The following ATG4B variants were observed in gnomAD, a reference collection of about 807,000 sequenced individuals.
ATG4B encodes the protein autophagy related 4B cysteine peptidase, also known as cysteine protease ATG4B.
Under a neutral mutation model 56.6 loss-of-function variants are expected in ATG4B, and 29 were observed. That is an observed-to-expected ratio of 0.51 (90% CI 0.38 to 0.70). The LOEUF is 0.70. Ranked by LOEUF, ATG4B falls within the 30% of genes least tolerant of loss-of-function variation. The pLI, the probability that ATG4B is intolerant of heterozygous loss-of-function variation, is 0.00. For synonymous variants in ATG4B, 224 were observed against 206.1 expected (o/e 1.09, Z -0.74); for missense variants, 461 against 515.5 (o/e 0.89, Z 1.02).
chr2:241,640,511 T>C (rs909615055), intron 1 of ATG4B, among the ~76,000 whole-genome samples: 1 of 152,248 alleles, frequency 6.6e-6, no homozygotes, highest in Admixed American at 6.5e-5. Flanking sequence ...GTCAGATATG[T>C]GTTAGGCATT....
At chr2:241,642,768 A>C (rs954236005) in intron 1 of ATG4B, among the ~76,000 whole-genome samples, 2 of 147,406 alleles carry the variant, frequency 1.4e-5, no homozygotes, top group African/African-American at 5.0e-5. Context: ...CAGAAGTCCC[A>C]GGGAAGAGGG....
At chr2:241,666,974 A>T in intron 8 of ATG4B, 136 bp downstream of exon 8, 8 of 1,048,830 alleles carry the variant, frequency 7.6e-6, no homozygotes, top group Non-Finnish European at 9.5e-6. Flanking sequence ...CCTGGTTTAC[A>T]CCGTTGCCCA....
chr2:241,640,099 C>T (rs537570040), intron 1 of ATG4B, among the ~76,000 whole-genome samples: 7 of 152,076 alleles, frequency 4.6e-5, no homozygotes, highest in Non-Finnish European at 8.8e-5. Context: ...GGTTCAGTGT[C>T]GATCATATGA....
intron 7 of ATG4B, 135 bp downstream of exon 7, chr2:241,659,322 C>T (rs555430105): frequency 1.0e-5 from 8 of 791,682 alleles, no homozygotes; most frequent in East Asian, 2.7e-5. Context: ...TCCGTGGGGC[C>T]TGTGCGCCAA....
chr2:241,637,888 G>C lies in ATG4B; in HGVS notation c.10+164G>C, dbSNP rs2067720892. ...CGGGAGCGCGGGGCGGTGTTGGTGG[G>C]TGGTGGGCGGTGGGAGCGGGAGGGG... On this transcript the variant is annotated intron_variant, in intron 1 of 12. Coordinates refer to ENST00000404914, the MANE Select transcript of ATG4B (RefSeq NM_013325.5). 4 of 530,830 alleles carry C rather than the reference G, an allele frequency of 7.5e-6. No individual in the cohort carries two copies. The East Asian group carries it at 2.0e-4, about 26-fold the overall frequency. 32.9% of individuals were successfully genotyped at this position (530,830 alleles called of 1,614,324 possible).
rs765368422 is a variant in ATG4B at position 241,654,593 on chromosome 2, G to A, written c.331G>A (p.Val111Ile). The A allele has an allele frequency of 3.1e-5, 49 of 1,603,378 alleles. 1 individual carries two copies. The East Asian group carries it at 5.8e-4, about 19-fold the overall frequency. Residue 111 changes from valine to isoleucine, a missense_variant, in exon 5 of 13, where the codon GTC becomes ATC. Physicochemically the swap from Val to Ile is conservative, Grantham distance 29. Coordinates refer to ENST00000404914, the MANE Select transcript of ATG4B (RefSeq NM_013325.5). ...GAGGCAGCCAGACAGCTACTTCAGC[G>A]TCCTCAACGCATTCATCGACAGGAA... is the stretch of plus-strand genomic sequence containing the variant. ...RKRQPDSYFSVLNAFIDRKDS... is the reference protein window; with the variant it reads ...RKRQPDSYFSILNAFIDRKDS...
At chr2:241,660,654 C>T (rs1039608608) in intron 7 of ATG4B, among the ~76,000 whole-genome samples, 2 of 152,188 alleles carry the variant, frequency 1.3e-5, no homozygotes, top group African/African-American at 4.8e-5. Context: ...CTCATATGAG[C>T]ATTTTGACAT....
rs769204324 is a variant in ATG4B at position 241,654,505 on chromosome 2, A to G, written c.284-41A>G. The stretch of plus-strand genomic sequence containing the variant: ...GTGTGAAAGTGAAAACTTGTTTCTC[A>G]TATTTATGGTAGAGCTGACCTGTAA... On this transcript the variant is annotated intron_variant, in intron 4 of 12. Transcript: ENST00000404914. The G allele has an allele frequency of 3.5e-6, 5 of 1,414,612 alleles. No homozygotes were observed. In the South Asian group the frequency reaches 4.9e-5, roughly 14 times the overall value. 87.6% of individuals were successfully genotyped at this position (1,414,612 alleles called of 1,614,324 possible). A position where few individuals can be genotyped will look rare whatever the true frequency, so the allele number is the denominator to read the frequency against.
intron 1 of ATG4B, among the ~76,000 whole-genome samples, chr2:241,640,616 G>T (rs879908945): frequency 1.3e-5 from 2 of 152,210 alleles, no homozygotes; most frequent in Admixed American, 6.5e-5. Context: ...CATTAGCAGC[G>T]AAGTGCGTGG....
At chr2:241,662,184 T>G (rs906952041) in intron 7 of ATG4B, among the ~76,000 whole-genome samples, 2 of 152,154 alleles carry the variant, frequency 1.3e-5, no homozygotes, top group African/African-American at 4.8e-5. Context: ...TTATCAGAAG[T>G]ACTTAAACAT....
intron 11 of ATG4B, 111 bp from the exon 12 acceptor site, chr2:241,671,201 G>A (rs902102463): frequency 2.1e-6 from 2 of 930,324 alleles, no homozygotes; most frequent in African/African-American, 1.6e-5. Flanking sequence ...TTTCTCATCA[G>A]TGAGATGGGA....
intron 7 of ATG4B, among the ~76,000 whole-genome samples, chr2:241,664,082 T>C (rs1241388723): frequency 6.6e-6 from 1 of 152,084 alleles, no homozygotes; most frequent in African/African-American, 2.4e-5. Flanking sequence ...CCTCCCAGAG[T>C]GCTGGGATTA....
intron 7 of ATG4B, among the ~76,000 whole-genome samples, chr2:241,664,002 G>A (rs1172137575): frequency 6.6e-6 from 1 of 151,894 alleles, no homozygotes; most frequent in Non-Finnish European, 1.5e-5. Context: ...TGGAGATGGG[G>A]TTTCACCATA....
chr2:241,661,470 C>T (rs940791538), intron 7 of ATG4B, among the ~76,000 whole-genome samples: 6 of 152,084 alleles, frequency 3.9e-5, no homozygotes, highest in African/African-American at 1.4e-4. Flanking sequence ...AGTCGTGCTG[C>T]TAAGAGTGCG....
chr2:241,645,474 G>A (rs1051871053), intron 1 of ATG4B, among the ~76,000 whole-genome samples: 2 of 152,196 alleles, frequency 1.3e-5, no homozygotes, highest in South Asian at 2.1e-4. Flanking sequence ...ATGCCGGTTC[G>A]TGACTGCTCA....
intron 1 of ATG4B, among the ~76,000 whole-genome samples, chr2:241,648,748 G>T (rs1361754230): frequency 6.6e-6 from 1 of 152,210 alleles, no homozygotes; most frequent in Admixed American, 6.5e-5. Context: ...AGAGGGGCCT[G>T]GGTCTCCCAC....
rs1458606070 is a variant in ATG4B at position 241,651,473 on chromosome 2, C to T, written c.184+138C>T. The T allele has an allele frequency of 1.2e-5, 9 of 730,574 alleles. No homozygotes were observed. Among genetic ancestry groups the T allele is most frequent in the Middle Eastern group, 3.7e-4 (1 of 2,700 alleles). 45.3% of individuals were successfully genotyped at this position (730,574 alleles called of 1,614,324 possible). On this transcript the variant is annotated intron_variant, in intron 3 of 12. Coordinates refer to ENST00000404914, the MANE Select transcript of ATG4B (RefSeq NM_013325.5). The surrounding 1 kb of genome is among the most constrained non-coding windows in gnomAD (Gnocchi z 4.1). Reference sequence around the variant, plus strand: ...AGCAATCCTGCTTAACTGAATTGGCCGAGGCCTCACGTGTAGTAGTGGCAA... The same window carrying T: ...AGCAATCCTGCTTAACTGAATTGGCTGAGGCCTCACGTGTAGTAGTGGCAA...
chr2:241,666,202 G>A (rs2068762010), intron 7 of ATG4B, among the ~76,000 whole-genome samples: 1 of 152,246 alleles, frequency 6.6e-6, no homozygotes, highest in African/African-American at 2.4e-5. Context: ...GCACCCTCCG[G>A]TTGATGTGTC....
chr2:241,643,706 G>A (rs1172418490), intron 1 of ATG4B, among the ~76,000 whole-genome samples: 2 of 105,184 alleles, frequency 1.9e-5, no homozygotes, highest in African/African-American at 4.4e-5. Context: ...CCCCCCCCCC[G>A]TCGTCCAGGC....
Sources: gnomAD v4.1 joint callset for allele counts (sites outside exome capture counted in the v4.1 genomes callset) on GRCh38, gnomAD v4.1.1 for gene constraint, Gnocchi (gnomAD v3.1) non-coding constraint, MANE v1.5 for transcripts, NCBI Gene and HGNC (gene_info 2026-07-23, HGNC 2026-07-21) for gene names.